The following ITGA9 variants were observed in gnomAD, a reference collection of about 807,000 sequenced individuals.
The protein encoded by ITGA9 is integrin subunit alpha 9, also known as integrin alpha-9.
In ITGA9, 56 loss-of-function variants were observed where a neutral mutation model predicts 127.8. That is an observed-to-expected ratio of 0.44 (90% CI 0.35 to 0.55). The LOEUF (loss-of-function observed/expected upper bound fraction) is 0.55. ITGA9 is among the 20% of genes least tolerant of loss of function. The probability of loss-of-function intolerance (pLI) is 0.00; values close to 1 mark genes in which losing one functional copy is unlikely to be tolerated. For missense variants in ITGA9, 1,196 were observed against 1,347.1 expected (o/e 0.89, Z 1.76); for synonymous variants, 508 against 514.5 (o/e 0.99, Z 0.17).
At chr3:37,612,392 T>G (rs777268397) in intron 15 of ITGA9, among the ~76,000 whole-genome samples, 5 of 152,162 alleles carry the variant, frequency 3.3e-5, no homozygotes, top group Non-Finnish European at 5.9e-5. Context: ...ATGCATGAAA[T>G]AAGAAGATCT....
intron 18 of ITGA9, among the ~76,000 whole-genome samples, chr3:37,701,786 C>T (rs1036759221): frequency 6.6e-6 from 1 of 152,162 alleles, no homozygotes; most frequent in African/African-American, 2.4e-5. Flanking sequence ...AGTGACTCAG[C>T]CACACTTCTC....
intron 18 of ITGA9, among the ~76,000 whole-genome samples, chr3:37,685,369 G>C (rs912458813): frequency 2.2e-4 from 33 of 152,182 alleles, no homozygotes; most frequent in African/African-American, 8.0e-4. Flanking sequence ...AGGGTTGAGG[G>C]AGGCCACAAA....
At chr3:37,691,825 A>T (rs1267116369) in intron 18 of ITGA9, among the ~76,000 whole-genome samples, 1 of 152,206 alleles carries the variant, frequency 6.6e-6, no homozygotes, top group Non-Finnish European at 1.5e-5. Context: ...GAGAGGGTCA[A>T]CCGGAATGTA....
In ITGA9 at chr3:37,505,994, G is replaced by T; in HGVS notation, c.743-6G>T. 6.3e-7 allele frequency: 1 copy of T among 1,598,208 alleles called. No individual in the cohort carries two copies. The highest frequency in any genetic ancestry group is 8.5e-7 in the Non-Finnish European group (1 of 1,171,690). ...CGTGTGCTTGGTTTCCGCCCATCCT[G>T]TTCAGGCTACGCAGTGACCGCTGGC... On this transcript the variant is annotated splice_region_variant and splice_polypyrimidine_tract_variant and intron_variant, in intron 6 of 27. Transcript: ENST00000264741.
intron 23 of ITGA9, among the ~76,000 whole-genome samples, chr3:37,757,182 A>G (rs527747170): frequency 6.6e-6 from 1 of 151,906 alleles, no homozygotes; most frequent in East Asian, 1.9e-4. Flanking sequence ...ATATCCTGAA[A>G]TAGAAAAAAT....
intron 16 of ITGA9, among the ~76,000 whole-genome samples, chr3:37,636,423 A>G (rs539058395): frequency 4.0e-4 from 61 of 152,326 alleles, no homozygotes; most frequent in African/African-American, 1.4e-3. Context: ...GGCTGCATAA[A>G]TGTCTTCTTT....
intron 15 of ITGA9, among the ~76,000 whole-genome samples, chr3:37,627,731 T>C (rs540507438): frequency 6.6e-6 from 1 of 152,276 alleles, no homozygotes; most frequent in East Asian, 1.9e-4. Context: ...CTTGTTCAGG[T>C]AGCTTTGAGC....
At chr3:37,748,052 C>A in intron 22 of ITGA9, 1 of 372,420 alleles carries the variant, frequency 2.7e-6, no homozygotes, top group South Asian at 2.2e-5. Context: ...ATTTCAATCA[C>A]CCCCAAAAGA....
chr3:37,578,792 G>T (rs1699677482), intron 15 of ITGA9, among the ~76,000 whole-genome samples: 1 of 151,642 alleles, frequency 6.6e-6, no homozygotes, highest in Admixed American at 6.6e-5. Flanking sequence ...TCCCCAAGAG[G>T]GCTACAGGGA....
chr3:37,670,883 G>A (rs1038929404), intron 17 of ITGA9, among the ~76,000 whole-genome samples: 2 of 152,148 alleles, frequency 1.3e-5, no homozygotes, highest in East Asian at 1.9e-4. Flanking sequence ...AAAAGTTATG[G>A]CCATGACAGA....
rs531443279 is a variant in ITGA9 at position 37,602,045 on chromosome 3, C to T, written c.1690-27142C>T. Reference sequence around the variant, plus strand: ...TAGGAGCACAGTGAGAACTGACTCACTACCTAGAGAATGGCACCAAGCCAT... The same window carrying T: ...TAGGAGCACAGTGAGAACTGACTCATTACCTAGAGAATGGCACCAAGCCAT... On this transcript the variant is annotated intron_variant, in intron 15 of 27. Coordinates refer to ENST00000264741, the MANE Select transcript of ITGA9 (RefSeq NM_002207.3). Among the ~76,000 whole-genome samples the T allele has an allele frequency of 2.0e-5, 3 of 152,256 alleles. No homozygotes were observed. The South Asian group carries it at 6.2e-4, about 32-fold the overall frequency.
intron 13 of ITGA9, among the ~76,000 whole-genome samples, chr3:37,531,165 C>T (rs1418794500): frequency 6.6e-6 from 1 of 152,082 alleles, no homozygotes; most frequent in African/African-American, 2.4e-5. Flanking sequence ...CTGTGAGACA[C>T]AGTCTCCCCT....
At chr3:37,519,187 A>G in intron 10 of ITGA9, 73 bp from the exon 11 acceptor site, 1 of 1,133,382 alleles carries the variant, frequency 8.8e-7, no homozygotes, top group Non-Finnish European at 1.3e-6. Context: ...CAGACATGAC[A>G]ACCAGAATTA....
chr3:37,453,679 G>T (rs1698226866), intron 1 of ITGA9, among the ~76,000 whole-genome samples: 1 of 152,150 alleles, frequency 6.6e-6, no homozygotes, highest in South Asian at 2.1e-4. Flanking sequence ...GGAGGTCGAG[G>T]TCACTGATGC....
rs1700214899 is a variant in ITGA9, at chr3:37,629,940, G to A, written c.1839+604G>A. On this transcript the variant is annotated intron_variant, in intron 16 of 27. Transcript: ENST00000264741. The surrounding 1 kb of genome is among the most constrained non-coding windows in gnomAD (Gnocchi z 4.5). ...GTGCAGCAGCGCTGGCCAGCTCTGA[G>A]GCGTGCAGCACTGAGTGCGGTGCAG... Among the ~76,000 whole-genome samples, 1 of 152,194 alleles carries A rather than the reference G, an allele frequency of 6.6e-6. No homozygotes were observed. The highest frequency in any genetic ancestry group is 6.5e-5 in the Admixed American group (1 of 15,290).
intron 15 of ITGA9, among the ~76,000 whole-genome samples, chr3:37,615,752 G>A (rs1426214078): frequency 7.9e-5 from 12 of 151,838 alleles, no homozygotes; most frequent in Admixed American, 2.6e-4. Flanking sequence ...GTTTATTTGC[G>A]TAGAGGTGTT....
chr3:37,581,816 G>A (rs1280486460), intron 15 of ITGA9, among the ~76,000 whole-genome samples: 1 of 152,214 alleles, frequency 6.6e-6, no homozygotes, highest in African/African-American at 2.4e-5. Context: ...CATTCTCAAA[G>A]CTGGGTGCTG....
intron 23 of ITGA9, among the ~76,000 whole-genome samples, chr3:37,751,382 C>T (rs963200909): frequency 6.6e-6 from 1 of 152,192 alleles, no homozygotes; most frequent in Admixed American, 6.5e-5. Context: ...CTTCTGGCTA[C>T]CCTCTTAAAT....
At chr3:37,459,274 A>G (rs1467686948) in intron 1 of ITGA9, among the ~76,000 whole-genome samples, 4 of 152,268 alleles carry the variant, frequency 2.6e-5, no homozygotes. Flanking sequence ...TTGGGCTGCC[A>G]TAACAAACTG....
Sources: gnomAD v4.1 joint callset for allele counts (sites outside exome capture counted in the v4.1 genomes callset) on GRCh38, gnomAD v4.1.1 for gene constraint, Gnocchi (gnomAD v3.1) non-coding constraint, MANE v1.5 for transcripts, NCBI Gene and HGNC (gene_info 2026-07-23, HGNC 2026-07-21) for gene names.